The following MINDY2 variants were observed in gnomAD, a reference collection of about 807,000 sequenced individuals.
The protein encoded by MINDY2 is ubiquitin carboxyl-terminal hydrolase MINDY-2.
A neutral mutation model predicts 68.2 loss-of-function variants in MINDY2; 52 were observed. The observed-to-expected ratio is 0.76, with a 90% confidence interval of 0.61 to 0.96. The LOEUF (loss-of-function observed/expected upper bound fraction) is 0.96, where lower values mean the gene tolerates loss of function less well. Among genes scored for constraint, MINDY2 ranks in the 40% least tolerant of loss-of-function variants. The pLI is 0.00. For synonymous variants in MINDY2, 372 were observed against 303.0 expected, an observed-to-expected ratio of 1.23 and a Z score of -2.36; for missense variants, 881 against 773.4, an observed-to-expected ratio of 1.14 and a Z score of -1.65.
chr15:58,812,233 C>T (rs539052062), intron 4 of MINDY2, among the ~76,000 whole-genome samples: 3 of 151,366 alleles, frequency 2.0e-5, no homozygotes, highest in Non-Finnish European at 4.4e-5. Context: ...GTCAGGAGTT[C>T]GAGATCAGTC....
intron 3 of MINDY2, among the ~76,000 whole-genome samples, chr15:58,808,116 C>G (rs2029941082): frequency 6.6e-6 from 1 of 151,900 alleles, no homozygotes; most frequent in Non-Finnish European, 1.5e-5. Context: ...CTGAGGCTTT[C>G]TATATACCTC....
In MINDY2 at chr15:58,828,776, T is replaced by C. The variant is rs974821117; in HGVS notation, c.1226-2998T>C. On this transcript the variant is annotated intron_variant, in intron 5 of 8. Coordinates refer to ENST00000559228, the MANE Select transcript of MINDY2 (RefSeq NM_001040450.3). Reference sequence around the variant, plus strand: ...CGGGGTTTCACCAGGTAAGTCAGGATGGTCTCGATCTCCTGACCTCATGAT... The same window carrying C: ...CGGGGTTTCACCAGGTAAGTCAGGACGGTCTCGATCTCCTGACCTCATGAT... 3.3e-5 allele frequency among the ~76,000 whole-genome samples: 5 copies of C among 152,074 alleles called. No homozygotes were observed. The South Asian group carries it at 1.0e-3, about 32-fold the overall frequency.
At chr15:58,793,147 A>T (rs1439358822) in intron 2 of MINDY2, among the ~76,000 whole-genome samples, 2 of 152,220 alleles carry the variant, frequency 1.3e-5, no homozygotes, top group East Asian at 3.9e-4. Context: ...GGGAAGACCA[A>T]AATGTTCTAA....
chr15:58,831,131 T>C (rs910074732), intron 5 of MINDY2, among the ~76,000 whole-genome samples: 6 of 151,502 alleles, frequency 4.0e-5, no homozygotes, highest in Admixed American at 6.6e-5. Flanking sequence ...ATAATATCTA[T>C]TTCCGAACTT....
At chr15:58,844,236 A>G (rs1334058093) in intron 6 of MINDY2, among the ~76,000 whole-genome samples, 1 of 152,210 alleles carries the variant, frequency 6.6e-6, no homozygotes, top group African/African-American at 2.4e-5. Context: ...ACTTACATAA[A>G]GGAACTGTGG....
chr15:58,804,757 A>C (rs146342147), intron 3 of MINDY2, among the ~76,000 whole-genome samples: 1 of 152,018 alleles, frequency 6.6e-6, no homozygotes, highest in African/African-American at 2.4e-5. Flanking sequence ...CTGTGAGCCA[A>C]ATCACACCAC....
chr15:58,809,244 G>T (rs575725657), intron 3 of MINDY2, among the ~76,000 whole-genome samples: 2 of 151,850 alleles, frequency 1.3e-5, no homozygotes, highest in South Asian at 4.2e-4. Flanking sequence ...ACTTCCCCCA[G>T]TCCCCTGGAA....
chr15:58,777,697 T>C (rs767629252), intron 1 of MINDY2, among the ~76,000 whole-genome samples: 7 of 152,088 alleles, frequency 4.6e-5, no homozygotes, highest in Non-Finnish European at 7.4e-5. Flanking sequence ...AAGAAAGACA[T>C]CTATTTATTA....
At chr15:58,796,261 G>A (rs1902279115) in intron 2 of MINDY2, 3 of 383,096 alleles carry the variant, frequency 7.8e-6, no homozygotes, top group African/African-American at 2.1e-5. Context: ...AATAGGAAAG[G>A]TTGTTTGAGG....
intron 4 of MINDY2, among the ~76,000 whole-genome samples, chr15:58,814,671 C>G (rs191098783): frequency 6.6e-6 from 1 of 151,868 alleles, no homozygotes; most frequent in East Asian, 1.9e-4. Flanking sequence ...ATGTCCAGCC[C>G]TTTTCCCCAT....
chr15:58,797,336 A>G (rs946516737), intron 2 of MINDY2, among the ~76,000 whole-genome samples: 3 of 152,016 alleles, frequency 2.0e-5, no homozygotes, highest in Non-Finnish European at 4.4e-5. Context: ...GCAAAACCCT[A>G]TCTTTACAAA....
chr15:58,806,164 T>C (rs1465317759), intron 3 of MINDY2, among the ~76,000 whole-genome samples: 1 of 152,140 alleles, frequency 6.6e-6, no homozygotes, highest in Non-Finnish European at 1.5e-5. Flanking sequence ...ACTTCCGCCT[T>C]TCAGGTTCAA....
chr15:58,821,060 C>G (rs1334139932), intron 4 of MINDY2, among the ~76,000 whole-genome samples: 2 of 151,212 alleles, frequency 1.3e-5, no homozygotes, highest in Non-Finnish European at 2.9e-5. Flanking sequence ...GAGAGAAGCC[C>G]AATTTTATTT....
Position 58,861,432 on chromosome 15 carries a change from T to G in MINDY2, c.*6822T>G, listed in dbSNP as rs2033215149. On this transcript the variant is annotated 3_prime_UTR_variant, in exon 9 of 9. Coordinates refer to ENST00000559228, the MANE Select transcript of MINDY2 (RefSeq NM_001040450.3). The stretch of plus-strand genomic sequence containing the variant: ...TTACTTCTGAAATAATTCATCTGTT[T>G]TGCTTTATGACCAGCTTTAATTTCA... 6.6e-6 allele frequency: 1 copy of G among 152,196 alleles called. No individual in the cohort carries two copies. Among genetic ancestry groups the G allele is most frequent in the African/African-American group, 2.4e-5 (1 of 41,444 alleles). 9.4% of individuals were successfully genotyped at this position (152,196 alleles called of 1,614,324 possible).
chr15:58,817,239 AG>A (rs2030746614), intron 4 of MINDY2, among the ~76,000 whole-genome samples: 1 of 152,236 alleles, frequency 6.6e-6, no homozygotes, highest in Non-Finnish European at 1.5e-5. Context: ...ATATTCAGAA[AG>A]TAGGAGCTCC....
intron 5 of MINDY2, among the ~76,000 whole-genome samples, chr15:58,823,965 T>C (rs1431414306): frequency 6.6e-6 from 1 of 152,216 alleles, no homozygotes; most frequent in Admixed American, 6.5e-5. Flanking sequence ...TACGGAATCC[T>C]TCTTTTTCAG....
Position 58,823,292 on chromosome 15 carries a change from T to G in MINDY2, c.1225+1473T>G, listed in dbSNP as rs551864928. On this transcript the variant is annotated intron_variant, in intron 5 of 8. Transcript: ENST00000559228. ...AGCTGGGATTACAGGCATGCAATAA[T>G]TTTGTATTTTTAGTAGAGATGGGAT... Among the ~76,000 whole-genome samples, 3 of 152,064 alleles carry G rather than the reference T, an allele frequency of 2.0e-5. No individual in the cohort carries two copies. The East Asian group carries it at 5.8e-4, about 29-fold the overall frequency.
rs765107261 is a variant in MINDY2 at position 58,771,921 on chromosome 15, C to G, written c.526C>G (p.Leu176Val). Residue 176 changes from leucine to valine, a missense_variant, in exon 1 of 9, where the codon CTG becomes GTG. Coordinates refer to ENST00000559228, the MANE Select transcript of MINDY2 (RefSeq NM_001040450.3). ...TGGGGAATCTCCGAGCCTGGACTCT[C>G]TGGAGTCGTTCTCTAACCTGCATTC... The part of the protein sequence containing the change: ...PPGESPSLDS[L>V]ESFSNLHSFP... 30 of 1,555,788 alleles carry G rather than the reference C, an allele frequency of 1.9e-5. No individual in the cohort carries two copies. The highest frequency in any genetic ancestry group is 1.8e-4 in the East Asian group (8 of 44,412).
chr15:58,842,176 G>C lies in MINDY2; in HGVS notation c.1369-5121G>C, dbSNP rs1015306660. Reference sequence around the variant, plus strand: ...CAACCTTTATATTCATGTCATAACTGTTTCCCCTATCTCTTGGTTTTAAAT... The same window carrying C: ...CAACCTTTATATTCATGTCATAACTCTTTCCCCTATCTCTTGGTTTTAAAT... On this transcript the variant is annotated intron_variant, in intron 6 of 8. Transcript: ENST00000559228. Among the ~76,000 whole-genome samples, 6 of 152,008 alleles carry C rather than the reference G, an allele frequency of 3.9e-5. No homozygotes were observed. In the East Asian group the frequency reaches 1.2e-3, roughly 30 times the overall value.
Sources: allele counts gnomAD v4.1 joint callset (sites outside exome capture counted in the v4.1 genomes callset), GRCh38; gene constraint gnomAD v4.1.1; transcripts MANE v1.5; gene names NCBI Gene and HGNC (gene_info 2026-07-23, HGNC 2026-07-21).